Variants in NLGN1 observed in about 807,000 individuals in gnomAD.
NLGN1 encodes the protein neuroligin-1.
Under a neutral mutation model 65.5 loss-of-function variants are expected in NLGN1, and 12 were observed. The ratio of observed to expected loss-of-function variants is 0.18; its 90% CI spans 0.12 to 0.30. The LOEUF (loss-of-function observed/expected upper bound fraction) is 0.30. Ranked by LOEUF, NLGN1 falls within the 10% of genes least tolerant of loss-of-function variation. The pLI is 1.00. For missense variants in NLGN1, 750 were observed against 1,007.1 expected, an observed-to-expected ratio of 0.74 and a Z score of 3.46; for synonymous variants, 350 against 359.5, an observed-to-expected ratio of 0.97 and a Z score of 0.30.
rs1015839719 is a variant in NLGN1, at chr3:174,268,822, A to G, written c.647-6493A>G. On this transcript the variant is annotated intron_variant, in intron 4 of 6. Transcript: ENST00000457714. ...AATCAGAAGCCATGACCAGCAACAC[A>G]GTGTGTTATTTCTGAGACAAGTCAT... 5.9e-5 allele frequency among the ~76,000 whole-genome samples: 9 copies of G among 152,136 alleles called. No homozygotes were observed. The South Asian group carries it at 1.9e-3, about 31-fold the overall frequency.
intron 4 of NLGN1, among the ~76,000 whole-genome samples, chr3:173,963,026 C>A (rs979862069): frequency 1.2e-4 from 19 of 152,112 alleles, no homozygotes; most frequent in Non-Finnish European, 2.2e-4. Context: ...ACCTCATAAT[C>A]TTACTAGTAA....
intron 4 of NLGN1, among the ~76,000 whole-genome samples, chr3:174,083,087 TTAAA>T (rs1480837628): frequency 2.0e-5 from 3 of 152,200 alleles, no homozygotes; most frequent in African/African-American, 4.8e-5. Flanking sequence ...GATTATGTTC[TTAAA>T]TAACATATTA....
intron 4 of NLGN1, among the ~76,000 whole-genome samples, chr3:173,956,630 T>A (rs2152338644): frequency 6.6e-6 from 1 of 152,326 alleles, no homozygotes; most frequent in Middle Eastern, 3.4e-3. Flanking sequence ...TTCCTGCCAC[T>A]GTATGGTTGA....
intron 4 of NLGN1, among the ~76,000 whole-genome samples, chr3:173,940,090 T>TTTTTTTTTTTTG (rs1479656820): frequency 7.4e-6 from 1 of 135,264 alleles, no homozygotes; most frequent in African/African-American, 2.9e-5. Context: ...CTTTTTTTTT[T>TTTTTTTTTTTTG]TTTTTTTTTT....
intron 4 of NLGN1, among the ~76,000 whole-genome samples, chr3:174,037,679 T>A (rs1731436329): frequency 6.6e-6 from 1 of 152,206 alleles, no homozygotes; most frequent in African/African-American, 2.4e-5. Flanking sequence ...TTGTTACATG[T>A]TAATTTAGGA....
intron 2 of NLGN1, among the ~76,000 whole-genome samples, chr3:173,466,616 T>C (rs1724406402): frequency 2.0e-5 from 3 of 152,204 alleles, no homozygotes; most frequent in Non-Finnish European, 2.9e-5. Flanking sequence ...TTTGCAACTT[T>C]TATGAAGTTG....
At chr3:173,583,370 T>C (rs1746701731) in intron 2 of NLGN1, among the ~76,000 whole-genome samples, 1 of 152,228 alleles carries the variant, frequency 6.6e-6, no homozygotes, top group South Asian at 2.1e-4. Context: ...TTATATGGGT[T>C]TACCCCTTAG....
intron 2 of NLGN1, among the ~76,000 whole-genome samples, chr3:173,455,047 T>C (rs1259329846): frequency 6.6e-6 from 1 of 152,188 alleles, no homozygotes; most frequent in African/African-American, 2.4e-5. Context: ...ACAACATTTA[T>C]GGATTAAGTT....
At chr3:173,750,103 T>C (rs1022371223) in intron 3 of NLGN1, among the ~76,000 whole-genome samples, 1 of 152,092 alleles carries the variant, frequency 6.6e-6, no homozygotes, top group Non-Finnish European at 1.5e-5. Context: ...ATCATAGGCT[T>C]CCTTCCCTGG....
At chr3:173,501,479 T>A (rs928378680) in intron 2 of NLGN1, among the ~76,000 whole-genome samples, 1 of 152,100 alleles carries the variant, frequency 6.6e-6, no homozygotes, top group Non-Finnish European at 1.5e-5. Context: ...AACAGAACTT[T>A]AAGCCCCAGA....
At chr3:174,292,295 C>T in the NLGN1 span, among the ~76,000 whole-genome samples, 1 of 151,076 alleles carries the variant, frequency 6.6e-6, no homozygotes, top group Admixed American at 6.6e-5. Context: ...AAAAATTCAC[C>T]ACGCACACAA....
Position 174,261,271 on chromosome 3 carries a change from T to C in NLGN1, c.647-14044T>C, listed in dbSNP as rs1440189202. 4.9e-3 allele frequency among the ~76,000 whole-genome samples: 733 copies of C among 150,598 alleles called. 2 individuals carry two copies. Among genetic ancestry groups the C allele is most frequent in the African/African-American group, 0.017 (694 of 40,992 alleles). On this transcript the variant is annotated intron_variant, in intron 4 of 6. Coordinates refer to ENST00000457714, the Ensembl canonical transcript of NLGN1. ...ATGGCATTGAATCTGTAAATTACCT[T>C]GGGCAGTATGGCCATTTTCACGATA... is the stretch of plus-strand genomic sequence containing the variant.
intron 1 of NLGN1, among the ~76,000 whole-genome samples, chr3:173,423,874 C>T (rs979288776): frequency 6.6e-6 from 1 of 152,194 alleles, no homozygotes; most frequent in Non-Finnish European, 1.5e-5. Flanking sequence ...TGTTGGGACT[C>T]CAGCCCCACA....
intron 2 of NLGN1, among the ~76,000 whole-genome samples, chr3:173,485,165 A>G (rs1193915921): frequency 6.7e-6 from 1 of 150,270 alleles, no homozygotes; most frequent in Non-Finnish European, 1.5e-5. Context: ...ACCATTTTTA[A>G]CTCTATCAGA....
At chr3:174,195,190 G>A (rs1733184041) in intron 4 of NLGN1, among the ~76,000 whole-genome samples, 2 of 152,090 alleles carry the variant, frequency 1.3e-5, no homozygotes, top group African/African-American at 4.8e-5. Context: ...CACAGTCATA[G>A]CTAGACCCAA....
chr3:173,518,097 GGTCAC>G (rs1734145736), intron 2 of NLGN1, among the ~76,000 whole-genome samples: 1 of 152,100 alleles, frequency 6.6e-6, no homozygotes. Context: ...CTGTACTACT[GGTCAC>G]GTTCCTACCA....
intron 3 of NLGN1, among the ~76,000 whole-genome samples, chr3:173,807,311 C>A (rs1258172160): frequency 6.6e-6 from 1 of 152,084 alleles, no homozygotes; most frequent in Non-Finnish European, 1.5e-5. Context: ...CTCATAATGT[C>A]ATGTGAAGTC....
At chr3:174,085,176 AGTT>A (rs139066065) in intron 4 of NLGN1, among the ~76,000 whole-genome samples, 14,142 of 151,986 alleles carry the variant, frequency 0.093, 781 homozygotes, top group Admixed American at 0.12. Context: ...TGTTAGGTGT[AGTT>A]GTTATATGAA....
At chr3:174,140,035 C>G (rs1722009336) in intron 4 of NLGN1, among the ~76,000 whole-genome samples, 1 of 152,132 alleles carries the variant, frequency 6.6e-6, no homozygotes, top group African/African-American at 2.4e-5. Flanking sequence ...TTCTCTCAGT[C>G]TGTGGCTTAT....
Sources: allele counts gnomAD v4.1 joint callset (sites outside exome capture counted in the v4.1 genomes callset), GRCh38; gene constraint gnomAD v4.1.1; transcripts MANE v1.5; gene names NCBI Gene and HGNC (gene_info 2026-07-23, HGNC 2026-07-21).